Variants in IQSEC1 observed in about 807,000 individuals in gnomAD.
IQSEC1 encodes the protein IQ motif and SEC7 domain-containing protein 1.
Under a neutral mutation model 91.0 loss-of-function variants are expected in IQSEC1, and 31 were observed. The ratio of observed to expected loss-of-function variants is 0.34; its 90% CI spans 0.26 to 0.46. The LOEUF (loss-of-function observed/expected upper bound fraction) is 0.46. IQSEC1 is among the 20% of genes least tolerant of loss of function. The pLI, the probability that IQSEC1 is intolerant of heterozygous loss-of-function variation, is 1.00. For synonymous variants in IQSEC1, 699 were observed against 662.6 expected (o/e 1.05, Z -0.84); for missense variants, 1,388 against 1,575.6 (o/e 0.88, Z 2.02).
In IQSEC1 at chr3:12,898,005, C is replaced by T. The variant is rs540824846; in HGVS notation, c.*2978G>A. The T allele has an allele frequency of 6.6e-6, 1 of 152,408 alleles. No homozygotes were observed. The highest frequency in any genetic ancestry group is 6.5e-5 in the Admixed American group (1 of 15,306). The allele number at this position is 152,408 out of a possible 1,614,324, so 9.4% of individuals were successfully genotyped here. A position where few individuals can be genotyped will look rare whatever the true frequency, so the allele number is the denominator to read the frequency against. On this transcript the variant is annotated 3_prime_UTR_variant, in exon 14 of 14. Coordinates refer to ENST00000613206, the MANE Select transcript of IQSEC1 (RefSeq NM_001134382.3). ...TTGTCACATTGCCAGCTGTTTCCCT[C>T]AGCGTCTCCTGCTCCTGTCAGCAAT...
chr3:13,240,907 C>T (rs1017328842), intron 1 of IQSEC1, among the ~76,000 whole-genome samples: 1 of 152,130 alleles, frequency 6.6e-6, no homozygotes, highest in Non-Finnish European at 1.5e-5. Flanking sequence ...CACTGGACTA[C>T]AGTCATTTGT....
chr3:12,919,567 A>C (rs944375825), intron 6 of IQSEC1, among the ~76,000 whole-genome samples: 1 of 152,204 alleles, frequency 6.6e-6, no homozygotes, highest in African/African-American at 2.4e-5. Context: ...CTGTTGAATA[A>C]ACTAAGAATG....
At chr3:12,945,401 G>C (rs1368838147) in intron 1 of IQSEC1, among the ~76,000 whole-genome samples, 1 of 152,058 alleles carries the variant, frequency 6.6e-6, no homozygotes, top group Non-Finnish European at 1.5e-5. Flanking sequence ...CCATCCTGGA[G>C]CCAGGGTCCT....
chr3:12,902,676 A>AAAAAAAAAAAAAAAAAAAAC, intron 13 of IQSEC1, 97 bp downstream of exon 13: 1 of 566,628 alleles, frequency 1.8e-6, no homozygotes, highest in Admixed American at 3.4e-5. Context: ...AAACCAAAAA[A>AAAAAAAAAAAAAAAAAAAAC]AAAAAAAAAA....
rs1017892595 is a variant in IQSEC1 at position 12,994,440 on chromosome 3, C to A, written c.24-52575G>T. Reference sequence around the variant, plus strand: ...TGGAGGGCGCTCAGGTCGGTGCAGCCGCTGCAGCGGATGGGTCAGGAGAGC... The same window carrying A: ...TGGAGGGCGCTCAGGTCGGTGCAGCAGCTGCAGCGGATGGGTCAGGAGAGC... On this transcript the variant is annotated intron_variant, in intron 1 of 13. Coordinates refer to ENST00000613206, the MANE Select transcript of IQSEC1 (RefSeq NM_001134382.3). This position sits in a 1 kb window ranked among gnomAD's most constrained non-coding sequence, Gnocchi z 4.5. Among the ~76,000 whole-genome samples, 2 of 152,068 alleles carry A rather than the reference C, an allele frequency of 1.3e-5. No individual in the cohort carries two copies. The highest frequency in any genetic ancestry group is 2.9e-5 in the Non-Finnish European group (2 of 67,978).
At chr3:13,263,453 CTT>C (rs1021846864) in intron 1 of IQSEC1, among the ~76,000 whole-genome samples, 1 of 135,348 alleles carries the variant, frequency 7.4e-6, no homozygotes, top group African/African-American at 2.7e-5. Context: ...GTACCTGACA[CTT>C]TTTTTTTTTG....
intron 7 of IQSEC1, 84 bp from the exon 8 acceptor site, chr3:12,915,217 A>G: frequency 7.1e-7 from 1 of 1,406,932 alleles, no homozygotes; most frequent in Non-Finnish European, 9.9e-7. Context: ...CCCTCCCTAC[A>G]CCTACCCTTG....
rs750813833 is a variant in IQSEC1, at chr3:12,899,364, G to A, written c.*1619C>T. The stretch of plus-strand genomic sequence containing the variant: ...AAGGGCCTCCGCCTGGGCAGGCGCC[G>A]GGGGGCAGTCCTCGGGTCCCATGGC... On this transcript the variant is annotated 3_prime_UTR_variant, in exon 14 of 14. Transcript: ENST00000613206. 16 of 1,609,338 alleles carry A rather than the reference G, an allele frequency of 9.9e-6. No individual in the cohort carries two copies. The highest frequency in any genetic ancestry group is 4.1e-5 in the African/African-American group (3 of 74,052).
intron 1 of IQSEC1, among the ~76,000 whole-genome samples, chr3:13,046,022 C>T (rs773694413): frequency 1.3e-5 from 2 of 152,142 alleles, no homozygotes; most frequent in Non-Finnish European, 2.9e-5. Flanking sequence ...TACGTGTGTG[C>T]GTGTGAGATT....
At chr3:13,022,244 C>A in intron 1 of IQSEC1, 1 of 1,226,284 alleles carries the variant, frequency 8.2e-7, no homozygotes. Context: ...AAAGAAAAGC[C>A]CCCAAAGTTA....
chr3:13,021,142 A>G (rs968203461), intron 1 of IQSEC1, among the ~76,000 whole-genome samples: 3 of 152,164 alleles, frequency 2.0e-5, no homozygotes, highest in Admixed American at 1.3e-4. Flanking sequence ...GCCCTTCCAT[A>G]TACAAATTCG....
chr3:12,944,667 G>T (rs191164825), intron 1 of IQSEC1, among the ~76,000 whole-genome samples: 4 of 152,342 alleles, frequency 2.6e-5, no homozygotes, highest in Non-Finnish European at 5.9e-5. Context: ...AGGGAACAAC[G>T]GCTGGTCCTT....
chr3:12,903,004 A>G (rs766423219), intron 12 of IQSEC1, among the ~76,000 whole-genome samples, 182 bp from the exon 13 acceptor site: 7 of 152,222 alleles, frequency 4.6e-5, no homozygotes. Context: ...TGGGGAAGCC[A>G]GCAGCAGTGC....
intron 1 of IQSEC1, among the ~76,000 whole-genome samples, chr3:13,018,828 G>A (rs1703263759): frequency 6.6e-6 from 1 of 152,204 alleles, no homozygotes; most frequent in African/African-American, 2.4e-5. Flanking sequence ...TTGTCTCATG[G>A]AAGCTTCAGA....
chr3:12,946,930 T>C (rs1284600398), intron 1 of IQSEC1, among the ~76,000 whole-genome samples: 2 of 152,230 alleles, frequency 1.3e-5, no homozygotes, highest in African/African-American at 4.8e-5. Flanking sequence ...ACATTGCTAA[T>C]TGATCACAGA....
upstream of IQSEC1, among the ~76,000 whole-genome samples, chr3:13,075,632 T>G (rs1420825495): frequency 1.3e-5 from 2 of 152,254 alleles, no homozygotes; most frequent in Non-Finnish European, 2.9e-5. Flanking sequence ...CATGTTATGC[T>G]GTTATTTCAA....
In IQSEC1 at chr3:12,992,128, T is replaced by C. The variant is rs1401342500; in HGVS notation, c.24-50263A>G. 6.6e-6 allele frequency among the ~76,000 whole-genome samples: 1 copy of C among 152,040 alleles called. No homozygotes were observed. On this transcript the variant is annotated intron_variant, in intron 1 of 13. Coordinates refer to ENST00000613206, the MANE Select transcript of IQSEC1 (RefSeq NM_001134382.3). The surrounding 1 kb of genome is among the most constrained non-coding windows in gnomAD (Gnocchi z 4.1). ...TCCCCAGGAAGCAGCCCTCTCAGGA[T>C]GACTGGGTTGCTGGAGAGCTGGGGA...
At chr3:13,280,794 G>T (rs547152252) in intron 1 of IQSEC1, among the ~76,000 whole-genome samples, 1 of 152,232 alleles carries the variant, frequency 6.6e-6, no homozygotes, top group Non-Finnish European at 1.5e-5. Flanking sequence ...GACCTAGACC[G>T]TGGGCTGAGG....
intron 2 of IQSEC1, among the ~76,000 whole-genome samples, chr3:13,117,262 A>G (rs1417612249): frequency 2.0e-5 from 3 of 147,028 alleles, no homozygotes; most frequent in Non-Finnish European, 3.0e-5. Flanking sequence ...TCAAAACCAC[A>G]ATGAGATACC....
Sources: allele counts gnomAD v4.1 joint callset (sites outside exome capture counted in the v4.1 genomes callset), GRCh38; gene constraint gnomAD v4.1.1; non-coding constraint Gnocchi (gnomAD v3.1); transcripts MANE v1.5; gene names NCBI Gene and HGNC (gene_info 2026-07-23, HGNC 2026-07-21).